Variants in MYO18B observed in about 807,000 individuals in gnomAD.
MYO18B encodes myosin XVIIIB.
In MYO18B, 204 loss-of-function variants were observed where a neutral mutation model predicts 273.0. The ratio of observed to expected loss-of-function variants is 0.75; its 90% confidence interval spans 0.67 to 0.84. MYO18B has a LOEUF of 0.84. Among genes scored for constraint, MYO18B ranks in the 40% least tolerant of loss-of-function variants. MYO18B has a pLI of 0.00. For synonymous variants in MYO18B, 1,330 were observed against 1,305.7 expected (o/e 1.02, Z -0.40); for missense variants, 3,212 against 3,287.6 (o/e 0.98, Z 0.56).
At position 25,769,454 on chromosome 22, in the gene MYO18B, G is replaced by A. The variant is rs190475710; in HGVS notation, c.1512+26G>A. On this transcript the variant is annotated intron_variant, in intron 4 of 43. Transcript: ENST00000335473. Reference sequence around the variant, plus strand: ...GTGAGGGGGCTGCGGCCCTGGGAGCGGGAAGCGGCAGACAGGCCTCTCCAG... The same window carrying A: ...GTGAGGGGGCTGCGGCCCTGGGAGCAGGAAGCGGCAGACAGGCCTCTCCAG... 3.5e-5 allele frequency: 52 copies of A among 1,487,142 alleles called. No individual in the cohort carries two copies. In the African/African-American group the frequency reaches 5.5e-4, roughly 16 times the overall value. 92.1% of individuals were successfully genotyped at this position (1,487,142 alleles called of 1,614,324 possible). A position where few individuals can be genotyped will look rare whatever the true frequency, so the allele number is the denominator to read the frequency against.
At chr22:25,778,316 G>C (rs571059221) in intron 8 of MYO18B, among the ~76,000 whole-genome samples, 1 of 152,246 alleles carries the variant, frequency 6.6e-6, no homozygotes, top group Admixed American at 6.5e-5. Context: ...AACTCAGGGA[G>C]CGCAGAGGAG....
At chr22:25,930,716 C>T (rs1266655462) in intron 34 of MYO18B, among the ~76,000 whole-genome samples, 1 of 152,020 alleles carries the variant, frequency 6.6e-6, no homozygotes, top group East Asian at 1.9e-4. Context: ...TCAAGTGATC[C>T]ACCCGCCTTG....
At chr22:25,774,171 G>A (rs1330850523) in intron 7 of MYO18B, among the ~76,000 whole-genome samples, 1 of 152,180 alleles carries the variant, frequency 6.6e-6, no homozygotes, top group Non-Finnish European at 1.5e-5. Context: ...TAGTGGGCCT[G>A]TACCCCTCTC....
In MYO18B at chr22:25,903,801, G is replaced by A; in HGVS notation, c.5118G>A (p.Gln1706=). The part of the protein sequence containing the change: ...SALEQQKIQS[Q]QENTIKQLEQ... ...TTGAGCAACAGAAAATCCAGAGCCA[G>A]CAGGAAAACACCATCAAGCAGCTGG... The change falls in exon 31 of 44, where the codon CAG becomes CAA. Residue 1706 remains glutamine, a synonymous_variant. Transcript: ENST00000335473. 1.2e-6 allele frequency: 2 copies of A among 1,602,414 alleles called. No individual in the cohort carries two copies. Among genetic ancestry groups the A allele is most frequent in the South Asian group, 1.1e-5 (1 of 88,822 alleles).
chr22:25,834,148 T>A (rs1010871588), intron 16 of MYO18B, among the ~76,000 whole-genome samples: 5 of 147,594 alleles, frequency 3.4e-5, no homozygotes, highest in African/African-American at 1.3e-4. Flanking sequence ...TCTTCTTTTT[T>A]TTTTTCTTTT....
intron 17 of MYO18B, among the ~76,000 whole-genome samples, chr22:25,842,668 G>T (rs1302929897): frequency 1.8e-5 from 2 of 113,768 alleles, no homozygotes; most frequent in African/African-American, 3.9e-5. Context: ...GTGAAACTCC[G>T]TCTCAAAAAA....
At chr22:25,898,071 A>G in intron 28 of MYO18B, 2 of 484,834 alleles carry the variant, frequency 4.1e-6, no homozygotes, top group Non-Finnish European at 7.2e-6. Flanking sequence ...CAAAAGTAAA[A>G]TCAACCTTAA....
chr22:26,013,636 C>T (rs1935084631), intron 42 of MYO18B, among the ~76,000 whole-genome samples: 1 of 152,162 alleles, frequency 6.6e-6, no homozygotes, highest in Non-Finnish European at 1.5e-5. Flanking sequence ...TAACCATAAG[C>T]AGTGAATGAA....
intron 12 of MYO18B, among the ~76,000 whole-genome samples, chr22:25,817,603 T>C (rs1414769922): frequency 6.6e-6 from 1 of 152,038 alleles, no homozygotes; most frequent in Non-Finnish European, 1.5e-5. Flanking sequence ...CCTGGTTAGG[T>C]AACTACTCTT....
intron 11 of MYO18B, among the ~76,000 whole-genome samples, chr22:25,788,045 A>G (rs56163226): frequency 0.027 from 4,048 of 152,280 alleles, 167 homozygotes; most frequent in African/African-American, 0.091. Context: ...CATTGGTCAC[A>G]GCGTGAATTT....
At chr22:25,866,722 C>T (rs973318583) in intron 21 of MYO18B, among the ~76,000 whole-genome samples, 1 of 148,740 alleles carries the variant, frequency 6.7e-6, no homozygotes, top group African/African-American at 2.5e-5. Flanking sequence ...GCCTGTAGTC[C>T]CAGCTACTTG....
At chr22:25,982,417 A>G (rs1402476114) in intron 39 of MYO18B, among the ~76,000 whole-genome samples, 1 of 152,198 alleles carries the variant, frequency 6.6e-6, no homozygotes, top group East Asian at 1.9e-4. Flanking sequence ...TTCATTCCCT[A>G]CTGCTGCTGC....
At chr22:26,025,827 A>G (rs16981226) in intron 42 of MYO18B, among the ~76,000 whole-genome samples, 27,271 of 152,132 alleles carry the variant, frequency 0.18, 2,752 homozygotes, top group South Asian at 0.27. Flanking sequence ...CTGCATAAAA[A>G]CCACGTCTGG....
At chr22:26,047,699 TA>T in the MYO18B span, among the ~76,000 whole-genome samples, 4 of 152,162 alleles carry the variant, frequency 2.6e-5, no homozygotes, top group Non-Finnish European at 4.4e-5. Flanking sequence ...TAAATCATAT[TA>T]ATAATTGTAT....
chr22:25,823,385 G>A (rs1298155379), intron 12 of MYO18B, 120 bp from the exon 13 acceptor site: 11 of 1,134,680 alleles, frequency 9.7e-6, no homozygotes, highest in Middle Eastern at 2.6e-4. Context: ...CCAAGCTCCC[G>A]GCTGAGGAGG....
intron 1 of MYO18B, among the ~76,000 whole-genome samples, chr22:25,747,998 G>A (rs1465003401): frequency 1.3e-5 from 2 of 152,188 alleles, no homozygotes; most frequent in Admixed American, 6.5e-5. Context: ...GAAGCCTGCT[G>A]TGTGTACCCT....
chr22:25,927,851 C>T (rs1007219633), intron 34 of MYO18B, among the ~76,000 whole-genome samples: 1 of 152,192 alleles, frequency 6.6e-6, no homozygotes, highest in South Asian at 2.1e-4. Context: ...AAAGAACCTA[C>T]GTGAATATCG....
At chr22:25,820,441 CTGATTGAT>C (rs1301093726) in intron 12 of MYO18B, among the ~76,000 whole-genome samples, 1 of 152,106 alleles carries the variant, frequency 6.6e-6, no homozygotes, top group Admixed American at 6.5e-5. Context: ...CAATCTCTTT[CTGATTGAT>C]TGAAAAATCC....
intron 21 of MYO18B, among the ~76,000 whole-genome samples, chr22:25,864,989 C>T (rs1285736373): frequency 6.6e-6 from 1 of 152,122 alleles, no homozygotes; most frequent in Non-Finnish European, 1.5e-5. Context: ...GGTTGTTGGA[C>T]AATGATTATG....
Sources: allele counts gnomAD v4.1 joint callset (sites outside exome capture counted in the v4.1 genomes callset), GRCh38; gene constraint gnomAD v4.1.1; transcripts MANE v1.5; gene names NCBI Gene and HGNC (gene_info 2026-07-23, HGNC 2026-07-21).